The following MEIOB variants were observed in gnomAD, a reference collection of about 807,000 sequenced individuals.
MEIOB encodes the protein meiosis specific with OB-fold, also known as meiosis-specific with OB domain-containing protein.
MEIOB carries 50 observed loss-of-function variants against 53.1 expected under a neutral mutation model. That is an observed-to-expected ratio of 0.94 (90% CI 0.75 to 1.19). The LOEUF is 1.19. MEIOB is among the 50% of genes most tolerant of loss of function. MEIOB has a pLI of 0.00. For synonymous variants in MEIOB, 192 were observed against 182.5 expected (o/e 1.05, Z -0.42); for missense variants, 551 against 550.8 (o/e 1.00, Z 0.00).
chr16:1,837,681 A>C (rs1898786487), intron 13 of MEIOB, 103 bp downstream of exon 13: 1 of 612,150 alleles, frequency 1.6e-6, no homozygotes, highest in African/African-American at 1.9e-5. Context: ...GGAACTGGGC[A>C]TTAGAAATAA....
At chr16:1,859,168 T>C (rs1443336778) in intron 5 of MEIOB, among the ~76,000 whole-genome samples, 2 of 152,284 alleles carry the variant, frequency 1.3e-5, no homozygotes, top group East Asian at 1.9e-4. Flanking sequence ...GAAGATGACA[T>C]TTAAGCTGTG....
intron 10 of MEIOB, 44 bp from the exon 11 acceptor site, chr16:1,842,017 A>C: frequency 7.6e-7 from 1 of 1,318,570 alleles, no homozygotes. Context: ...ATATTCTAAA[A>C]AATATAAAAG....
chr16:1,837,060 G>C (rs1008714888), intron 13 of MEIOB, among the ~76,000 whole-genome samples: 5 of 152,160 alleles, frequency 3.3e-5, no homozygotes, highest in African/African-American at 7.2e-5. Flanking sequence ...ATCTGCAATA[G>C]GGGAGTTTGT....
intron 6 of MEIOB, among the ~76,000 whole-genome samples, chr16:1,857,192 A>C (rs1051221899): frequency 9.9e-5 from 15 of 152,188 alleles, no homozygotes; most frequent in Non-Finnish European, 2.1e-4. Flanking sequence ...ACGCTGATGC[A>C]CCAGAAGGGA....
At chr16:1,844,173 A>G (rs1596968170) in intron 10 of MEIOB, among the ~76,000 whole-genome samples, 1 of 136,892 alleles carries the variant, frequency 7.3e-6, no homozygotes, top group East Asian at 2.1e-4. Context: ...CCCAGACTGG[A>G]GTACAGTGGT....
chr16:1,852,998 G>A (rs1431696950), intron 9 of MEIOB, 41 bp downstream of exon 9: 8 of 1,175,736 alleles, frequency 6.8e-6, no homozygotes, highest in Admixed American at 3.6e-5. Flanking sequence ...AATGTGTTCA[G>A]TCATTTCCAA....
At chr16:1,853,808 T>TG (rs1447398421) in intron 7 of MEIOB, among the ~76,000 whole-genome samples, 1 of 152,208 alleles carries the variant, frequency 6.6e-6, no homozygotes, top group Non-Finnish European at 1.5e-5. Flanking sequence ...AGGGAAACTC[T>TG]GGCTTGTTCC....
At chr16:1,865,126 T>G (rs1174259192) in intron 3 of MEIOB, among the ~76,000 whole-genome samples, 1 of 151,978 alleles carries the variant, frequency 6.6e-6, no homozygotes, top group Non-Finnish European at 1.5e-5. Context: ...TCTACAAATT[T>G]TTGTTTTTTT....
rs1899100935 is a variant in MEIOB, at chr16:1,849,305, CA to C, written c.778+3733del. On this transcript the variant is annotated intron_variant, in intron 9 of 13. Coordinates refer to ENST00000325962, the MANE Select transcript of MEIOB (RefSeq NM_001163560.3). The stretch of plus-strand genomic sequence containing the variant: ...CGGTGGCTCACACTTGTAATCCCAG[CA>C]CTTTGGGAGGCCAAGGCAGGCAGAT... Among the ~76,000 whole-genome samples the C allele has an allele frequency of 2.6e-5, 4 of 152,184 alleles. No homozygotes were observed. In the South Asian group the frequency reaches 8.3e-4, roughly 32 times the overall value.
chr16:1,868,270 T>C (rs1175696059), intron 1 of MEIOB, 86 bp from the exon 2 acceptor site: 1 of 750,702 alleles, frequency 1.3e-6, no homozygotes, highest in South Asian at 1.8e-5. Context: ...TAAAATCTTA[T>C]TTAGGGCCGG....
Position 1,857,730 on chromosome 16 carries a change from C to T in MEIOB, c.528+5G>A, listed in dbSNP as rs1413081957. The T allele has an allele frequency of 3.2e-6, 5 of 1,550,796 alleles. No homozygotes were observed. The highest frequency in any genetic ancestry group is 4.4e-6 in the Non-Finnish European group (5 of 1,146,684). On this transcript the variant is annotated splice_donor_5th_base_variant and intron_variant, in intron 6 of 13. Transcript: ENST00000325962. ...GCACTTGGCTTTGTCGGGGTTTTAA[C>T]TTACCGATTTCACAGCTGCAAGCAC...
rs566761023 is a variant in MEIOB, at chr16:1,865,827, G to A, written c.78C>T (p.Ile26=). 17 of 1,545,428 alleles carry A rather than the reference G, an allele frequency of 1.1e-5. No homozygotes were observed. The highest frequency in any genetic ancestry group is 2.7e-5 in the African/African-American group (2 of 72,778). ...CATCTGTTTTCCCAATAACTATACC[G>A]ATAACTTTCTGAAAAACAAAAAGGT... ...LQTNMANLKV[I]GIVIGKTDVK... Residue 26 remains isoleucine, a synonymous_variant, in exon 3 of 14, where the codon ATC becomes ATT. Transcript: ENST00000325962.
intron 11 of MEIOB, chr16:1,839,672 T>C: frequency 2.3e-6 from 1 of 437,138 alleles, no homozygotes; most frequent in South Asian, 3.3e-5. Context: ...CTGCCCTCCT[T>C]CCCTCCCTCT....
At position 1,862,132 on chromosome 16, in the gene MEIOB, T is replaced by C. The variant is rs1262529644; in HGVS notation, c.128-16A>G. On this transcript the variant is annotated splice_polypyrimidine_tract_variant and intron_variant, in intron 3 of 13. Transcript: ENST00000325962. ...GATCCAATATCTAAGGGAAAACCAA[T>C]GCTTTTATTTTTCAAATGAAGAGTT... 1.9e-6 allele frequency: 3 copies of C among 1,545,254 alleles called. No individual in the cohort carries two copies. Among genetic ancestry groups the C allele is most frequent in the East Asian group, 4.9e-5 (2 of 40,860 alleles).
intron 3 of MEIOB, among the ~76,000 whole-genome samples, chr16:1,865,029 A>T (rs965511970): frequency 5.3e-5 from 8 of 152,126 alleles, no homozygotes; most frequent in Admixed American, 5.2e-4. Flanking sequence ...CATGCCTGTA[A>T]TCTGATCACT....
At chr16:1,849,784 C>G (rs932005236) in intron 9 of MEIOB, among the ~76,000 whole-genome samples, 1 of 152,064 alleles carries the variant, frequency 6.6e-6, no homozygotes, top group African/African-American at 2.4e-5. Context: ...TGCTGTACAA[C>G]GTAGTAGCTA....
chr16:1,845,776 G>T (rs938043185), intron 9 of MEIOB, among the ~76,000 whole-genome samples: 2 of 152,174 alleles, frequency 1.3e-5, no homozygotes, highest in Non-Finnish European at 2.9e-5. Flanking sequence ...AGGGTCAGGG[G>T]TGCTGTGCCA....
intron 4 of MEIOB, among the ~76,000 whole-genome samples, chr16:1,861,486 A>G (rs1371266011): frequency 1.3e-5 from 2 of 151,378 alleles, no homozygotes; most frequent in Non-Finnish European, 2.9e-5. Context: ...AAATATAACT[A>G]TCACATTTGT....
rs1899238784 is a variant in MEIOB at position 1,854,092 on chromosome 16, G to C, written c.629+8C>G. 2 of 1,498,926 alleles carry C rather than the reference G, an allele frequency of 1.3e-6. No homozygotes were observed. Among genetic ancestry groups the C allele is most frequent in the Non-Finnish European group, 9.1e-7 (1 of 1,099,686 alleles). 92.9% of individuals were successfully genotyped at this position (1,498,926 alleles called of 1,614,324 possible). A position where few individuals can be genotyped will look rare whatever the true frequency, so the allele number is the denominator to read the frequency against. ...ATTTCACAGTTTGGAACAGACATCG[G>C]TGTTTACCATGTCATCGCAAAAGAC... On this transcript the variant is annotated splice_region_variant and intron_variant, in intron 7 of 13. Transcript: ENST00000325962.
Sources: allele counts gnomAD v4.1 joint callset (sites outside exome capture counted in the v4.1 genomes callset), GRCh38; gene constraint gnomAD v4.1.1; transcripts MANE v1.5; gene names NCBI Gene and HGNC (gene_info 2026-07-23, HGNC 2026-07-21).